Variants in WHR1 observed in about 807,000 individuals in gnomAD.
WHR1 encodes MHC class III HLA-RP1.
chr6:31,980,623 T>G, the WHR1 span: 40,074 of 1,584,356 alleles, frequency 0.025, 926 homozygotes, highest in East Asian at 0.079. Flanking sequence ...CTTATTCACC[T>G]TTCCCCTTTC....
chr6:31,979,876 G>A, the WHR1 span: 1 of 254,852 alleles, frequency 3.9e-6, no homozygotes, highest in Non-Finnish European at 7.5e-6. Flanking sequence ...GTAGGAGCTG[G>A]GATACCCCTA....
the WHR1 span, among the ~76,000 whole-genome samples, chr6:31,973,814 G>A: frequency 7.2e-5 from 11 of 152,092 alleles, no homozygotes; most frequent in Non-Finnish European, 1.5e-4. Flanking sequence ...CAGGTTCCTG[G>A]GACTCATCCA....
chr6:31,971,986 G>C, the WHR1 span: 2 of 1,592,972 alleles, frequency 1.3e-6, no homozygotes, highest in South Asian at 1.1e-5. The surrounding 1 kb of genome is among the most constrained non-coding windows in gnomAD (Gnocchi z 4.5). Flanking sequence ...AGGCACGCCA[G>C]AGGCCGAAGG....
At chr6:31,975,942 C>G in the WHR1 span, among the ~76,000 whole-genome samples, 2 of 141,998 alleles carry the variant, frequency 1.4e-5, no homozygotes, top group Non-Finnish European at 3.1e-5. Flanking sequence ...GACGGGGCGG[C>G]TGGCCGGGCA....
chr6:31,973,130 G>C, the WHR1 span: 1 of 466,044 alleles, frequency 2.1e-6, no homozygotes, highest in Non-Finnish European at 4.1e-6. Flanking sequence ...ATTGGAGATA[G>C]TGGATGAGGC....
At chr6:31,972,295 G>A in the WHR1 span, 2 of 1,613,114 alleles carry the variant, frequency 1.2e-6, no homozygotes, top group East Asian at 2.2e-5. The surrounding 1 kb of genome is among the most constrained non-coding windows in gnomAD (Gnocchi z 6.3). Flanking sequence ...GTCATCACCT[G>A]GTCTAGGAGG....
the WHR1 span, chr6:31,972,581 C>T: frequency 2.0e-5 from 32 of 1,593,894 alleles, 1 homozygote; most frequent in South Asian, 2.9e-4. This position sits in a 1 kb window ranked among gnomAD's most constrained non-coding sequence, Gnocchi z 6.3. Flanking sequence ...ACCGCGTCCC[C>T]GCCCCAGTTC....
chr6:31,971,917 G>A, the WHR1 span: 3 of 1,533,046 alleles, frequency 2.0e-6, no homozygotes, highest in Non-Finnish European at 2.6e-6. This position sits in a 1 kb window ranked among gnomAD's most constrained non-coding sequence, Gnocchi z 4.5. Context: ...CTCAGATCAA[G>A]AATCCAGTTA....
chr6:31,979,196 G>T, the WHR1 span, among the ~76,000 whole-genome samples: 2 of 131,472 alleles, frequency 1.5e-5, no homozygotes, highest in Non-Finnish European at 3.3e-5. Context: ...AGGGTAAAGA[G>T]GGGGGGAGAG....
the WHR1 span, chr6:31,971,175 G>A: frequency 3.7e-6 from 6 of 1,606,670 alleles, no homozygotes; most frequent in South Asian, 1.1e-5. This position sits in a 1 kb window ranked among gnomAD's most constrained non-coding sequence, Gnocchi z 4.5. Context: ...CAGGCTGAAG[G>A]TCTGACACAA....
chr6:31,977,494 A>C, the WHR1 span, among the ~76,000 whole-genome samples: 4 of 151,284 alleles, frequency 2.6e-5, no homozygotes, highest in African/African-American at 9.7e-5. Flanking sequence ...GGTGCCCGCC[A>C]CTATGCCTGG....
the WHR1 span, among the ~76,000 whole-genome samples, chr6:31,978,256 A>G: frequency 6.6e-6 from 1 of 151,918 alleles, no homozygotes; most frequent in Admixed American, 6.6e-5. Flanking sequence ...TCTCCCAAGT[A>G]GCTAGGACCA....
chr6:31,980,351 G>A, the WHR1 span: 1 of 1,082,858 alleles, frequency 9.2e-7, no homozygotes, highest in Non-Finnish European at 1.3e-6. Context: ...TTGCATGGTT[G>A]CCCGTGTTTC....
the WHR1 span, chr6:31,980,298 G>A: frequency 1.5e-6 from 1 of 670,220 alleles, no homozygotes; most frequent in Non-Finnish European, 2.5e-6. Context: ...GTTGGTGCGA[G>A]CACAGAACCA....
chr6:31,976,238 C>T, the WHR1 span, among the ~76,000 whole-genome samples: 29 of 151,034 alleles, frequency 1.9e-4, no homozygotes, highest in African/African-American at 2.2e-4. Context: ...ACCTCCCGGA[C>T]GGGGTGGCTG....
chr6:31,978,914 A>G, the WHR1 span: 2 of 1,612,766 alleles, frequency 1.2e-6, no homozygotes, highest in Non-Finnish European at 1.7e-6. Context: ...AGGAGCTTCA[A>G]GAGCAGGGGG....
At chr6:31,976,613 A>G in the WHR1 span, among the ~76,000 whole-genome samples, 3 of 152,058 alleles carry the variant, frequency 2.0e-5, no homozygotes, top group Non-Finnish European at 4.4e-5. Context: ...GCGGCCAGGC[A>G]GAGACGCCCC....
At chr6:31,971,818 C>A in the WHR1 span, 1 of 1,321,478 alleles carries the variant, frequency 7.6e-7, no homozygotes, top group Non-Finnish European at 1.0e-6. This position sits in a 1 kb window ranked among gnomAD's most constrained non-coding sequence, Gnocchi z 4.5. Flanking sequence ...GCCACCGCGG[C>A]CAAGCTCTCA....
the WHR1 span, chr6:31,972,711 A>G: frequency 1.9e-6 from 3 of 1,613,704 alleles, no homozygotes; most frequent in Non-Finnish European, 2.5e-6. The surrounding 1 kb of genome is among the most constrained non-coding windows in gnomAD (Gnocchi z 6.3). Context: ...CTGAGGAGCC[A>G]GGTGTACAGC....
Sources: allele counts gnomAD v4.1 joint callset (sites outside exome capture counted in the v4.1 genomes callset), GRCh38; gene constraint gnomAD v4.1.1; non-coding constraint Gnocchi (gnomAD v3.1); transcripts MANE v1.5; gene names NCBI Gene and HGNC (gene_info 2026-07-23, HGNC 2026-07-21).